The following PPARGC1A variants were observed in gnomAD, a reference collection of about 807,000 sequenced individuals.
PPARGC1A encodes the protein peroxisome proliferator-activated receptor gamma coactivator 1-alpha.
Under a neutral mutation model 88.7 loss-of-function variants are expected in PPARGC1A, and 25 were observed. That is an observed-to-expected ratio of 0.28 (90% CI 0.21 to 0.39). The LOEUF (loss-of-function observed/expected upper bound fraction) is 0.39. Among genes scored for constraint, PPARGC1A ranks in the 10% least tolerant of loss-of-function variants. PPARGC1A has a pLI of 1.00. For synonymous variants in PPARGC1A, 363 were observed against 355.6 expected, an observed-to-expected ratio of 1.02 and a Z score of -0.24; for missense variants, 880 against 968.7, an observed-to-expected ratio of 0.91 and a Z score of 1.22.
the PPARGC1A span, among the ~76,000 whole-genome samples, chr4:24,040,546 T>G: frequency 6.6e-6 from 1 of 152,194 alleles, no homozygotes; most frequent in Non-Finnish European, 1.5e-5. Flanking sequence ...CTTCGGATAT[T>G]GACTTCCTTC....
chr4:24,053,421 A>G, the PPARGC1A span, among the ~76,000 whole-genome samples: 1 of 152,160 alleles, frequency 6.6e-6, no homozygotes, highest in South Asian at 2.1e-4. Context: ...AGTTGCATGC[A>G]TAAAAGGCTA....
the PPARGC1A span, among the ~76,000 whole-genome samples, chr4:24,465,393 T>A: frequency 2.0e-5 from 3 of 152,208 alleles, no homozygotes; most frequent in Non-Finnish European, 4.4e-5. Context: ...AAAGGTGAAT[T>A]TTTCAAAAGG....
the PPARGC1A span, among the ~76,000 whole-genome samples, chr4:24,238,922 T>G: frequency 6.6e-6 from 1 of 152,122 alleles, no homozygotes; most frequent in Non-Finnish European, 1.5e-5. Context: ...TGAGACATTC[T>G]TTGGGAATTT....
chr4:24,385,589 T>A, the PPARGC1A span, among the ~76,000 whole-genome samples: 1 of 152,036 alleles, frequency 6.6e-6, no homozygotes, highest in Non-Finnish European at 1.5e-5. Context: ...AAATACAAAC[T>A]ACCATCAGAG....
chr4:23,814,198 A>G lies in PPARGC1A; in HGVS notation c.1285T>C (p.Ser429Pro). 1 of 1,614,064 alleles carries G rather than the reference A, an allele frequency of 6.2e-7. No individual in the cohort carries two copies. Among genetic ancestry groups the G allele is most frequent in the South Asian group, 1.1e-5 (1 of 91,080 alleles). Reference sequence around the variant, plus strand: ...GTCTCTCTCAGGTAGCACTGGTCTGAATCTGTGGAAGAACAAATCTGCCCC... The same window carrying G: ...GTCTCTCTCAGGTAGCACTGGTCTGGATCTGTGGAAGAACAAATCTGCCCC... ...WQGQICSSTD[S>P]DQCYLRETLE... The change falls in exon 8 of 13, where the codon TCA (serine) becomes CCA (proline). Residue 429 changes from serine (S) to proline (P), a missense_variant. By Grantham distance (74) the Ser-to-Pro change is moderately conservative. Coordinates refer to ENST00000264867, the MANE Select transcript of PPARGC1A (RefSeq NM_013261.5).
chr4:24,413,073 T>C, the PPARGC1A span, among the ~76,000 whole-genome samples: 38 of 152,270 alleles, frequency 2.5e-4, no homozygotes, highest in South Asian at 4.1e-4. Flanking sequence ...CTCCTCCCCA[T>C]AGAATTCTCT....
Position 23,794,209 on chromosome 4 carries a change from A to C in PPARGC1A, c.*1613T>G, listed in dbSNP as rs892310978. 6.6e-6 allele frequency: 1 copy of C among 152,590 alleles called. No individual in the cohort carries two copies. Among genetic ancestry groups the C allele is most frequent in the Non-Finnish European group, 1.5e-5 (1 of 68,020 alleles). 9.5% of individuals were successfully genotyped at this position (152,590 alleles called of 1,614,324 possible). Reference sequence around the variant, plus strand: ...AAAGATTTTTGACTTCTAGTTTCAAAACTACTGTTGATAGAGAAAATAAAA... The same window carrying C: ...AAAGATTTTTGACTTCTAGTTTCAACACTACTGTTGATAGAGAAAATAAAA... On this transcript the variant is annotated 3_prime_UTR_variant, in exon 13 of 13. Transcript: ENST00000264867.
the PPARGC1A span, among the ~76,000 whole-genome samples, chr4:24,414,966 G>A: frequency 6.6e-6 from 1 of 152,114 alleles, no homozygotes; most frequent in African/African-American, 2.4e-5. Context: ...GAGGCAGGTG[G>A]ATCACTTGAG....
upstream of PPARGC1A, among the ~76,000 whole-genome samples, chr4:23,904,976 C>T (rs912052678): frequency 3.9e-5 from 6 of 152,236 alleles, no homozygotes; most frequent in East Asian, 1.9e-4. Context: ...GCAGCGGTGG[C>T]GCTAAGTGCT....
the PPARGC1A span, among the ~76,000 whole-genome samples, chr4:24,188,492 C>T: frequency 1.3e-5 from 2 of 152,072 alleles, no homozygotes; most frequent in Non-Finnish European, 2.9e-5. Flanking sequence ...TCATTCTCCT[C>T]ACCAACAGGG....
chr4:24,427,392 C>T, the PPARGC1A span, among the ~76,000 whole-genome samples: 11 of 151,858 alleles, frequency 7.2e-5, no homozygotes, highest in Admixed American at 2.6e-4. Context: ...GCCATCCTCC[C>T]AACTCAGCCT....
At chr4:24,061,914 T>C in the PPARGC1A span, among the ~76,000 whole-genome samples, 2 of 152,152 alleles carry the variant, frequency 1.3e-5, no homozygotes, top group African/African-American at 2.4e-5. Context: ...ACAATCTCGA[T>C]TGTTAATTTA....
chr4:24,000,856 C>T, the PPARGC1A span, among the ~76,000 whole-genome samples: 9 of 152,250 alleles, frequency 5.9e-5, no homozygotes, highest in South Asian at 1.9e-3. Context: ...TAATCTGATC[C>T]TCTGGTACTA....
At chr4:24,339,204 G>GTTAA in the PPARGC1A span, among the ~76,000 whole-genome samples, 1 of 37,692 alleles carries the variant, frequency 2.7e-5, no homozygotes, top group Non-Finnish European at 6.6e-5. Context: ...GTGTGTGTGT[G>GTTAA]TGTGTGTGTA....
At chr4:23,895,574 A>G (rs1388250047) in intron 1 of PPARGC1A, among the ~76,000 whole-genome samples, 1 of 152,016 alleles carries the variant, frequency 6.6e-6, no homozygotes. Flanking sequence ...CTTACTTTAT[A>G]TTTGCTAGCC....
At chr4:23,857,204 A>G (rs76712476) in intron 2 of PPARGC1A, among the ~76,000 whole-genome samples, 3,653 of 151,816 alleles carry the variant, frequency 0.024, 67 homozygotes, top group Non-Finnish European at 0.037. Context: ...CTCATCACTG[A>G]TGTTCTATAG....
chr4:24,304,613 C>A, the PPARGC1A span, among the ~76,000 whole-genome samples: 4 of 152,160 alleles, frequency 2.6e-5, no homozygotes, highest in African/African-American at 9.7e-5. Flanking sequence ...TCCATCAGAC[C>A]TCCAAATTCA....
the PPARGC1A span, among the ~76,000 whole-genome samples, chr4:24,294,037 T>G: frequency 9.4e-4 from 143 of 152,296 alleles, no homozygotes; most frequent in Middle Eastern, 3.4e-3. Context: ...ATTATTTATC[T>G]GAGGCTCAGA....
the PPARGC1A span, among the ~76,000 whole-genome samples, chr4:24,330,584 C>T: frequency 6.6e-6 from 1 of 152,184 alleles, no homozygotes; most frequent in African/African-American, 2.4e-5. Flanking sequence ...ACTCAGCTGA[C>T]CCCAGTTAAC....
Sources: gnomAD v4.1 joint callset for allele counts (sites outside exome capture counted in the v4.1 genomes callset) on GRCh38, gnomAD v4.1.1 for gene constraint, MANE v1.5 for transcripts, NCBI Gene and HGNC (gene_info 2026-07-23, HGNC 2026-07-21) for gene names.